The following LRRC69 variants were observed in gnomAD, a reference collection of about 807,000 sequenced individuals.
LRRC69 encodes leucine rich repeat containing 69, also known as leucine-rich repeat-containing protein 69.
LRRC69 carries 42 observed loss-of-function variants against 37.8 expected under a neutral mutation model. That is an observed-to-expected ratio of 1.11 (90% CI 0.87 to 1.44). The LOEUF (loss-of-function observed/expected upper bound fraction) is 1.44, where lower values mean the gene tolerates loss of function less well. LRRC69 is among the 40% of genes most tolerant of loss of function. The probability of loss-of-function intolerance (pLI) is 0.00; values close to 1 mark genes in which losing one functional copy is unlikely to be tolerated. For missense variants in LRRC69, 357 were observed against 401.9 expected (o/e 0.89, Z 0.96); for synonymous variants, 141 against 143.1 (o/e 0.99, Z 0.11).
intron 6 of LRRC69, among the ~76,000 whole-genome samples, chr8:91,196,779 C>G (rs1329728447): frequency 4.0e-5 from 6 of 151,648 alleles, no homozygotes; most frequent in Non-Finnish European, 8.8e-5. Flanking sequence ...ACTTCTTTGC[C>G]TTTGGTTTGA....
chr8:91,216,713 A>G (rs1302756429), intron 7 of LRRC69, among the ~76,000 whole-genome samples: 1 of 152,168 alleles, frequency 6.6e-6, no homozygotes, highest in African/African-American at 2.4e-5. Flanking sequence ...CTTAATCATT[A>G]TAATCTAGTT....
Position 91,191,295 on chromosome 8 carries a change from A to G in LRRC69, c.753+1672A>G, listed in dbSNP as rs115737283. Among the ~76,000 whole-genome samples, 711 of 152,256 alleles carry G rather than the reference A, an allele frequency of 4.7e-3. 5 individuals are homozygous for G. The highest frequency in any genetic ancestry group is 0.016 in the African/African-American group (681 of 41,536). On this transcript the variant is annotated intron_variant, in intron 6 of 7. Coordinates refer to ENST00000448384, the Ensembl canonical transcript of LRRC69. ...TTGAAATTTAATAGTAAATAATTTG[A>G]GTAACAGTTGTATTTAATTTTTTAT...
intron 3 of LRRC69, among the ~76,000 whole-genome samples, chr8:91,131,612 G>A (rs931565078): frequency 6.6e-6 from 1 of 151,644 alleles, no homozygotes; most frequent in Non-Finnish European, 1.5e-5. Context: ...TTTCATGAAG[G>A]TTTTTTTATA....
chr8:91,180,030 T>G (rs1436268072), intron 5 of LRRC69, among the ~76,000 whole-genome samples: 1 of 152,234 alleles, frequency 6.6e-6, no homozygotes, highest in East Asian at 1.9e-4. Flanking sequence ...TGTTGGGATT[T>G]ATCCATATAT....
chr8:91,146,576 G>T (rs1204633852), intron 5 of LRRC69, among the ~76,000 whole-genome samples: 1 of 151,568 alleles, frequency 6.6e-6, no homozygotes, highest in Non-Finnish European at 1.5e-5. Context: ...ATGGAGTTCG[G>T]GGTTTTTGTC....
At chr8:91,102,945 G>A in intron 1 of LRRC69, 101 bp downstream of exon 1, 1 of 1,116,154 alleles carries the variant, frequency 9.0e-7, no homozygotes, top group Non-Finnish European at 1.2e-6. Context: ...TTCGATCTAT[G>A]GAGACTTAGG....
At chr8:91,174,545 A>G (rs1436427065) in intron 5 of LRRC69, among the ~76,000 whole-genome samples, 1 of 152,228 alleles carries the variant, frequency 6.6e-6, no homozygotes, top group Non-Finnish European at 1.5e-5. Context: ...GATAAGATAA[A>G]TGGAAGACAA....
At chr8:91,127,133 T>A in exon 3 of LRRC69, 1 of 1,548,590 alleles carries the variant, frequency 6.5e-7, no homozygotes, top group Non-Finnish European at 8.7e-7. Context: ...AACAATCATC[T>A]TACGCAGCTT....
chr8:91,151,685 G>C (rs36057933), intron 5 of LRRC69, among the ~76,000 whole-genome samples: 7,944 of 151,624 alleles, frequency 0.052, 291 homozygotes, highest in Middle Eastern at 0.16. Flanking sequence ...GGGTCAAATG[G>C]TATTTCTGGT....
intron 5 of LRRC69, among the ~76,000 whole-genome samples, chr8:91,168,976 TG>T (rs752130121): frequency 6.2e-4 from 94 of 152,036 alleles, no homozygotes; most frequent in South Asian, 1.2e-3. Flanking sequence ...AAAAACAAAC[TG>T]AATTTAAAAT....
At chr8:91,165,427 G>A (rs1032717729) in intron 5 of LRRC69, among the ~76,000 whole-genome samples, 1 of 151,780 alleles carries the variant, frequency 6.6e-6, no homozygotes, top group East Asian at 1.9e-4. Flanking sequence ...AGCTGATCGT[G>A]TCACTGTGGG....
chr8:91,213,541 C>T (rs536241599), intron 7 of LRRC69, among the ~76,000 whole-genome samples: 6 of 152,162 alleles, frequency 3.9e-5, no homozygotes, highest in African/African-American at 4.8e-5. Flanking sequence ...AAGTACAATG[C>T]GAATAAGTAG....
intron 5 of LRRC69, among the ~76,000 whole-genome samples, chr8:91,188,309 T>C (rs1314443010): frequency 6.6e-6 from 1 of 152,242 alleles, no homozygotes; most frequent in Non-Finnish European, 1.5e-5. Flanking sequence ...CATTGCATGC[T>C]TGCTACGTTT....
intron 7 of LRRC69, among the ~76,000 whole-genome samples, chr8:91,202,724 A>G (rs1484167602): frequency 6.6e-6 from 1 of 152,248 alleles, no homozygotes; most frequent in African/African-American, 2.4e-5. Flanking sequence ...CGTAGTTTAC[A>G]TTAGGAATTT....
chr8:91,142,757 C>T (rs1436756542), intron 5 of LRRC69, among the ~76,000 whole-genome samples: 1 of 151,976 alleles, frequency 6.6e-6, no homozygotes, highest in Admixed American at 6.6e-5. Flanking sequence ...AACTTGCACT[C>T]AAGACTTTTG....
intron 7 of LRRC69, among the ~76,000 whole-genome samples, chr8:91,202,845 G>A (rs549598603): frequency 6.6e-6 from 1 of 152,296 alleles, no homozygotes; most frequent in Admixed American, 6.5e-5. Context: ...ATGAATTAGA[G>A]GGCAAGGAAG....
At chr8:91,133,153 G>T in exon 4 of LRRC69, 1 of 1,530,790 alleles carries the variant, frequency 6.5e-7, no homozygotes. Context: ...TAACCAACTA[G>T]CCAGCATTCC....
intron 2 of LRRC69, among the ~76,000 whole-genome samples, chr8:91,126,832 C>A (rs562919569): frequency 1.3e-4 from 20 of 152,086 alleles, no homozygotes; most frequent in Middle Eastern, 3.4e-3. Flanking sequence ...GTTCTGGGTG[C>A]TTTTAGCTTC....
intron 5 of LRRC69, among the ~76,000 whole-genome samples, chr8:91,172,620 A>C (rs768179755): frequency 6.6e-6 from 1 of 151,956 alleles, no homozygotes; most frequent in East Asian, 1.9e-4. Flanking sequence ...GGTTCAAGCA[A>C]TTATCCTGCC....
Sources: allele counts gnomAD v4.1 joint callset (sites outside exome capture counted in the v4.1 genomes callset), GRCh38; gene constraint gnomAD v4.1.1; transcripts MANE v1.5; gene names NCBI Gene and HGNC (gene_info 2026-07-23, HGNC 2026-07-21).